Variants in PCDHA7 observed in about 807,000 individuals in gnomAD.
PCDHA7 encodes the protein protocadherin alpha 7.
PCDHA7 carries 37 observed loss-of-function variants against 57.2 expected under a neutral mutation model. That is an observed-to-expected ratio of 0.65 (90% confidence interval 0.50 to 0.85). The LOEUF is 0.85. Among genes scored for constraint, PCDHA7 ranks in the 40% least tolerant of loss-of-function variants. The pLI is 0.00. For missense variants in PCDHA7, 1,188 were observed against 1,241.8 expected (o/e 0.96, Z 0.65); for synonymous variants, 553 against 558.8 (o/e 0.99, Z 0.15).
At position 140,842,945 on chromosome 5, in the gene PCDHA7, G is replaced by T. The variant is rs2150348444; in HGVS notation, c.2355+6207G>T. The T allele has an allele frequency of 7.5e-6, 12 of 1,594,542 alleles. 1 individual carries two copies. In the East Asian group the frequency reaches 1.8e-4, roughly 24 times the overall value. On this transcript the variant is annotated intron_variant, in intron 1 of 3. Transcript: ENST00000525929. ...CCAGGTGAGCGCGCGCGACGCGGGC[G>T]TGCCGCCTCTGGGCAGCAACGTGAC...
chr5:140,967,757 T>C, intron 1 of PCDHA7: 1 of 1,614,216 alleles, frequency 6.2e-7, no homozygotes, highest in Non-Finnish European at 8.5e-7. Flanking sequence ...AGCCTCCTCC[T>C]ACCAGATCTA....
Position 140,834,326 on chromosome 5 carries a change from A to G in PCDHA7, c.-58A>G. ...GAGATTGAAATGAAGGGATAAAAAC[A>G]TTCCTATAAATTCGAAGGCAAGTTT... On this transcript the variant is annotated 5_prime_UTR_variant, in exon 1 of 4. Coordinates refer to ENST00000525929, the MANE Select transcript of PCDHA7 (RefSeq NM_018910.3). 2 of 1,449,926 alleles carry G rather than the reference A, an allele frequency of 1.4e-6. No homozygotes were observed. The highest frequency in any genetic ancestry group is 1.3e-5 in the South Asian group (1 of 74,874). The allele number at this position is 1,449,926 out of a possible 1,614,324, so 89.8% of individuals were successfully genotyped here. A position where few individuals can be genotyped will look rare whatever the true frequency, so the allele number is the denominator to read the frequency against.
At chr5:140,943,144 G>C (rs894787678) in intron 1 of PCDHA7, among the ~76,000 whole-genome samples, 1 of 151,178 alleles carries the variant, frequency 6.6e-6, no homozygotes, top group Non-Finnish European at 1.5e-5. Context: ...TGTAGTCCCA[G>C]CTACTCTGGA....
chr5:140,850,048 A>G (rs1554143688), intron 1 of PCDHA7: 1 of 1,596,376 alleles, frequency 6.3e-7, no homozygotes, highest in Admixed American at 1.7e-5. Flanking sequence ...GGCAAGGTGT[A>G]CGCGCTGCAG....
rs1285443769 is a variant in PCDHA7, at chr5:141,010,273, G to A, written c.*336G>A. 3.9e-6 allele frequency: 6 copies of A among 1,551,420 alleles called. No individual in the cohort carries two copies. The African/African-American group carries it at 8.2e-5, about 21-fold the overall frequency. Reference sequence around the variant, plus strand: ...CTCTGCCCTGTGCTCCGGGGATCCTGTCTTGATGACACTTGCAGGGCAGGC... The same window carrying A: ...CTCTGCCCTGTGCTCCGGGGATCCTATCTTGATGACACTTGCAGGGCAGGC... On this transcript the variant is annotated 3_prime_UTR_variant, in exon 4 of 4. Coordinates refer to ENST00000525929, the MANE Select transcript of PCDHA7 (RefSeq NM_018910.3).
chr5:140,945,048 A>G (rs2093731802), intron 1 of PCDHA7, among the ~76,000 whole-genome samples: 1 of 152,182 alleles, frequency 6.6e-6, no homozygotes, highest in South Asian at 2.1e-4. Context: ...GGTCTTATAT[A>G]AAGAAAACCC....
intron 1 of PCDHA7, chr5:140,862,748 C>A: frequency 3.5e-6 from 2 of 577,558 alleles, no homozygotes; most frequent in East Asian, 9.5e-5. Context: ...TGGGTGCACG[C>A]GGAGAGCGGC....
intron 3 of PCDHA7, among the ~76,000 whole-genome samples, chr5:141,007,395 C>CAAAAAAAAAAAA (rs35800918): frequency 6.3e-5 from 6 of 94,866 alleles, no homozygotes; most frequent in Admixed American, 1.2e-4. Flanking sequence ...TACTAAAATA[C>CAAAAAAAAAAAA]AAAAAAAAAA....
In PCDHA7 at chr5:140,875,915, T is replaced by G. The variant is rs782225928; in HGVS notation, c.2355+39177T>G. On this transcript the variant is annotated intron_variant, in intron 1 of 3. Transcript: ENST00000525929. Reference sequence around the variant, plus strand: ...GTACCTGTTTCTGAATCTGCGCCTCTGGACTCTCATTTTCCTCTAGAGGGC... The same window carrying G: ...GTACCTGTTTCTGAATCTGCGCCTCGGGACTCTCATTTTCCTCTAGAGGGC... 3.7e-6 allele frequency: 6 copies of G among 1,614,096 alleles called. No homozygotes were observed. In the African/African-American group the frequency reaches 6.7e-5, roughly 18 times the overall value.
At chr5:140,841,507 C>T in intron 1 of PCDHA7, 2 of 1,613,396 alleles carry the variant, frequency 1.2e-6, no homozygotes, top group South Asian at 1.1e-5. Flanking sequence ...TGGTGCCGCG[C>T]CTGTTCCGGG....
At chr5:140,929,390 T>C in intron 1 of PCDHA7, 1 of 1,511,570 alleles carries the variant, frequency 6.6e-7, no homozygotes, top group Non-Finnish European at 8.8e-7. Flanking sequence ...TGTTTTGAAA[T>C]ATTTCTTAGA....
At chr5:140,956,933 A>G (rs1243678543) in intron 1 of PCDHA7, among the ~76,000 whole-genome samples, 1 of 151,594 alleles carries the variant, frequency 6.6e-6, no homozygotes, top group Non-Finnish European at 1.5e-5. Flanking sequence ...TGGATATAGG[A>G]TAAAATTTAC....
At chr5:140,941,214 C>CCTTTCTTCCTTTCTTTCTTTCTTTCTTT (rs2092875794) in intron 1 of PCDHA7, among the ~76,000 whole-genome samples, 1 of 122,414 alleles carries the variant, frequency 8.2e-6, no homozygotes, top group Non-Finnish European at 1.7e-5. Flanking sequence ...TTTCTTTCTT[C>CCTTTCTTCCTTTCTTTCTTTCTTTCTTT]CTTTCTTTCT....
intron 1 of PCDHA7, chr5:140,969,364 T>C: frequency 6.2e-7 from 1 of 1,610,368 alleles, no homozygotes; most frequent in Non-Finnish European, 8.5e-7. Context: ...TTCTACAAAC[T>C]CATGCATTTG....
At chr5:140,880,173 C>T (rs2058257400) in intron 1 of PCDHA7, among the ~76,000 whole-genome samples, 1 of 152,006 alleles carries the variant, frequency 6.6e-6, no homozygotes, top group Non-Finnish European at 1.5e-5. Context: ...AGAAGTTAAA[C>T]ATGAAGGGAA....
Position 140,918,963 on chromosome 5 carries a change from A to C in PCDHA7, c.2356-59986A>C, listed in dbSNP as rs74470631. ...TAATATCCTGAACAGACTAAGACAGATATCGTTTAGGTTAGTTGGTTTTTA... is the reference window on the plus strand; with the variant it reads ...TAATATCCTGAACAGACTAAGACAGCTATCGTTTAGGTTAGTTGGTTTTTA... On this transcript the variant is annotated intron_variant, in intron 1 of 3. Transcript: ENST00000525929. Among the ~76,000 whole-genome samples the C allele has an allele frequency of 4.6e-3, 702 of 152,330 alleles. 2 individuals are homozygous for C. Among genetic ancestry groups the C allele is most frequent in the African/African-American group, 0.016 (679 of 41,576 alleles).
intron 1 of PCDHA7, among the ~76,000 whole-genome samples, chr5:140,958,063 A>G (rs2095406851): frequency 6.6e-6 from 1 of 152,118 alleles, no homozygotes; most frequent in Non-Finnish European, 1.5e-5. Flanking sequence ...GAGAGAAAAA[A>G]CACAGAAGCA....
chr5:141,007,683 A>G (rs576789056), intron 3 of PCDHA7, among the ~76,000 whole-genome samples: 1 of 152,268 alleles, frequency 6.6e-6, no homozygotes, highest in African/African-American at 2.4e-5. Context: ...AAGTTATCCT[A>G]CTTCCACCTC....
intron 3 of PCDHA7, among the ~76,000 whole-genome samples, chr5:141,005,783 C>T (rs79683532): frequency 0.097 from 14,322 of 148,270 alleles, 898 homozygotes; most frequent in African/African-American, 0.18. Context: ...TGTAAAGATC[C>T]TGAGGCAAAA....
Sources: allele counts gnomAD v4.1 joint callset (sites outside exome capture counted in the v4.1 genomes callset), GRCh38; gene constraint gnomAD v4.1.1; transcripts MANE v1.5; gene names NCBI Gene and HGNC (gene_info 2026-07-23, HGNC 2026-07-21).